The following HMCN2 variants were observed in gnomAD, a reference collection of about 807,000 sequenced individuals.
The protein encoded by HMCN2 is hemicentin 2, also known as hemicentin-2.
A neutral mutation model predicts 377.5 loss-of-function variants in HMCN2; 325 were observed. The ratio of observed to expected loss-of-function variants is 0.86; its 90% confidence interval spans 0.79 to 0.94. The LOEUF (loss-of-function observed/expected upper bound fraction) is 0.94. Ranked by LOEUF, HMCN2 falls within the 40% of genes least tolerant of loss-of-function variation. HMCN2 has a pLI of 0.00. For synonymous variants in HMCN2, 2,007 were observed against 2,046.8 expected, an observed-to-expected ratio of 0.98 and a Z score of 0.53; for missense variants, 4,543 against 4,725.3, an observed-to-expected ratio of 0.96 and a Z score of 1.13.
intron 15 of HMCN2, among the ~76,000 whole-genome samples, chr9:130,313,213 C>T (rs1330492690): frequency 1.3e-5 from 2 of 151,348 alleles, no homozygotes; most frequent in African/African-American, 2.4e-5. Context: ...GTCGTCCAGC[C>T]TTCCTGGCCA....
chr9:130,378,137 C>T (rs945810205), intron 53 of HMCN2, among the ~76,000 whole-genome samples: 2 of 151,882 alleles, frequency 1.3e-5, no homozygotes, highest in African/African-American at 2.4e-5. Context: ...AATCTCTGGT[C>T]GAGAGTAAGC....
chr9:130,398,246 A>G (rs1842706083), intron 74 of HMCN2, among the ~76,000 whole-genome samples: 1 of 151,352 alleles, frequency 6.6e-6, no homozygotes, highest in South Asian at 2.1e-4. Context: ...TCCCCCTCCA[A>G]CAGATCAGCT....
rs144536555 is a variant in HMCN2 at position 130,284,097 on chromosome 9, T to G, written c.260-506T>G. Among the ~76,000 whole-genome samples, 1,168 of 152,342 alleles carry G rather than the reference T, an allele frequency of 7.7e-3. 6 individuals are homozygous for G. The highest frequency in any genetic ancestry group is 9.7e-3 in the Non-Finnish European group (659 of 68,036). On this transcript the variant is annotated intron_variant, in intron 1 of 97. Coordinates refer to ENST00000683500, the MANE Select transcript of HMCN2 (RefSeq NM_001291815.2). ...TTGAGTGCAGTCAATCTTTGTCATT[T>G]TTATTGCTGTTCTTTTTAAAATGAG...
At chr9:130,432,907 G>A (rs1184601285) in intron 97 of HMCN2, 2 of 366,308 alleles carry the variant, frequency 5.5e-6, no homozygotes, top group East Asian at 1.1e-4. Context: ...CCCTGGAAAG[G>A]TTTCTCCCGG....
intron 74 of HMCN2, among the ~76,000 whole-genome samples, 163 bp downstream of exon 74, chr9:130,397,818 G>T (rs1842677786): frequency 6.6e-6 from 1 of 152,100 alleles, no homozygotes; most frequent in African/African-American, 2.4e-5. Flanking sequence ...ACACTCAAAG[G>T]ACACAGATGT....
At chr9:130,289,115 G>A (rs962131469) in intron 4 of HMCN2, among the ~76,000 whole-genome samples, 9 of 152,198 alleles carry the variant, frequency 5.9e-5, no homozygotes, top group Admixed American at 1.3e-4. Flanking sequence ...CAGCTCCCCC[G>A]TGCCTGGGAA....
chr9:130,372,280 C>T lies in HMCN2; in HGVS notation c.7238-14C>T, dbSNP rs1009067508. 1 of 971,588 alleles carries T rather than the reference C, an allele frequency of 1.0e-6. No homozygotes were observed. Among genetic ancestry groups the T allele is most frequent in the Non-Finnish European group, 1.2e-6 (1 of 816,896 alleles). The allele number at this position is 971,588 out of a possible 1,614,324, so 60.2% of individuals were successfully genotyped here. A position where few individuals can be genotyped will look rare whatever the true frequency, so the allele number is the denominator to read the frequency against. ...TCAGAGCCATGCTTGGGGCCCACGC[C>T]CCTCCCTCCCCAGGTGGCTGGATGC... On this transcript the variant is annotated splice_polypyrimidine_tract_variant and intron_variant, in intron 46 of 97. Coordinates refer to ENST00000683500, the MANE Select transcript of HMCN2 (RefSeq NM_001291815.2).
chr9:130,296,093 G>T (rs1554931974), intron 6 of HMCN2, among the ~76,000 whole-genome samples: 1 of 152,152 alleles, frequency 6.6e-6, no homozygotes, highest in East Asian at 1.9e-4. Flanking sequence ...TTGGTGGGAG[G>T]GCTCAGTGGG....
At chr9:130,403,160 T>C (rs1480161586) in intron 78 of HMCN2, 34 bp from the exon 79 acceptor site, 1 of 1,278,498 alleles carries the variant, frequency 7.8e-7, no homozygotes, top group South Asian at 1.3e-5. Flanking sequence ...GTTAAGGACA[T>C]TCTCAGGGCC....
chr9:130,309,636 C>A (rs1254993104), intron 14 of HMCN2, among the ~76,000 whole-genome samples: 2 of 151,488 alleles, frequency 1.3e-5, no homozygotes, highest in African/African-American at 2.4e-5. Context: ...GAGTGGACAC[C>A]AGCGGGGGGG....
intron 77 of HMCN2, among the ~76,000 whole-genome samples, chr9:130,401,744 C>G (rs1474734175): frequency 6.6e-6 from 1 of 152,062 alleles, no homozygotes; most frequent in Non-Finnish European, 1.5e-5. Flanking sequence ...AACCAGTGGC[C>G]AAACCTGTGA....
chr9:130,332,302 G>A (rs1838468525), intron 22 of HMCN2, among the ~76,000 whole-genome samples: 1 of 152,196 alleles, frequency 6.6e-6, no homozygotes, highest in Non-Finnish European at 1.5e-5. Context: ...GGTTAGGAAG[G>A]AGCATGGTCG....
At chr9:130,336,067 C>T (rs1273809357) in intron 22 of HMCN2, among the ~76,000 whole-genome samples, 2 of 151,994 alleles carry the variant, frequency 1.3e-5, no homozygotes, top group African/African-American at 4.8e-5. Context: ...AGGAGACCTG[C>T]TCCGGTGCAT....
At chr9:130,411,813 G>A (rs1311561287) in intron 85 of HMCN2, among the ~76,000 whole-genome samples, 1 of 152,114 alleles carries the variant, frequency 6.6e-6, no homozygotes, top group African/African-American at 2.4e-5. Context: ...AGGGAGGGGA[G>A]AAGGGGGAGT....
chr9:130,403,144 A>T, intron 78 of HMCN2, 50 bp from the exon 79 acceptor site: 1 of 1,260,638 alleles, frequency 7.9e-7, no homozygotes, highest in South Asian at 1.3e-5. Context: ...TGGTTGGAGG[A>T]GTTGTGTTAA....
rs928864142 is a variant in HMCN2 at position 130,370,999 on chromosome 9, A to C, written c.7105A>C (p.Thr2369Pro). Residue 2369 changes from threonine (T) to proline (P), a missense_variant, in exon 46 of 98, where the codon ACC (threonine) becomes CCC (proline). Coordinates refer to ENST00000683500, the MANE Select transcript of HMCN2 (RefSeq NM_001291815.2). The stretch of plus-strand genomic sequence containing the variant: ...GCTCATTGGAGACTTGGACCCGCTG[A>C]CCAACATCACTGCTGCCTTGCACAG... ...PELIGDLDPL[T>P]NITAALHSPL... 6 of 985,956 alleles carry C rather than the reference A, an allele frequency of 6.1e-6. No individual in the cohort carries two copies. The highest frequency in any genetic ancestry group is 7.2e-6 in the Non-Finnish European group (6 of 830,132). The allele number at this position is 985,956 out of a possible 1,614,324, so 61.1% of individuals were successfully genotyped here.
At chr9:130,334,403 A>G (rs997868150) in intron 22 of HMCN2, among the ~76,000 whole-genome samples, 2 of 152,186 alleles carry the variant, frequency 1.3e-5, no homozygotes, top group Non-Finnish European at 2.9e-5. Context: ...CTTTGGCCTC[A>G]GCTTGTCCAT....
chr9:130,380,670 C>A (rs1841663416), intron 54 of HMCN2, among the ~76,000 whole-genome samples: 1 of 151,780 alleles, frequency 6.6e-6, no homozygotes, highest in Non-Finnish European at 1.5e-5. Context: ...ACCTGTGGTC[C>A]CAGCTACTCA....
chr9:130,337,422 C>T lies in HMCN2; in HGVS notation c.3360-472C>T, dbSNP rs1208069247. ...CTGCCAGCTTCTTCATCCCACACACCGGGCAGGTGTGTGTGGCAGAGGAGG... is the reference window on the plus strand; with the variant it reads ...CTGCCAGCTTCTTCATCCCACACACTGGGCAGGTGTGTGTGGCAGAGGAGG... On this transcript the variant is annotated intron_variant, in intron 22 of 97. Coordinates refer to ENST00000683500, the MANE Select transcript of HMCN2 (RefSeq NM_001291815.2). Among the ~76,000 whole-genome samples, 7 of 152,100 alleles carry T rather than the reference C, an allele frequency of 4.6e-5. No individual in the cohort carries two copies. In the East Asian group the frequency reaches 5.8e-4, roughly 13 times the overall value.
Sources: allele counts gnomAD v4.1 joint callset (sites outside exome capture counted in the v4.1 genomes callset), GRCh38; gene constraint gnomAD v4.1.1; transcripts MANE v1.5; gene names NCBI Gene and HGNC (gene_info 2026-07-23, HGNC 2026-07-21).